TLN2: variants seen among roughly 807,000 people sequenced by gnomAD.
TLN2 encodes talin 2.
TLN2 carries 118 observed loss-of-function variants against 294.7 expected under a neutral mutation model. The ratio of observed to expected loss-of-function variants is 0.40; its 90% confidence interval spans 0.34 to 0.47. The LOEUF is 0.47. Ranked by LOEUF, TLN2 falls within the 20% of genes least tolerant of loss-of-function variation. TLN2 has a pLI of 0.84. For missense variants in TLN2, 3,083 were observed against 3,282.2 expected, an observed-to-expected ratio of 0.94 and a Z score of 1.48; for synonymous variants, 1,431 against 1,304.5, an observed-to-expected ratio of 1.10 and a Z score of -2.09.
At chr15:62,613,438 T>G (rs2048071762) in intron 2 of TLN2, among the ~76,000 whole-genome samples, 1 of 152,104 alleles carries the variant, frequency 6.6e-6, no homozygotes, top group Non-Finnish European at 1.5e-5. Context: ...CACATAGAGC[T>G]CGTGTGGAGT....
At chr15:62,559,012 A>G (rs2042765121) in intron 1 of TLN2, among the ~76,000 whole-genome samples, 1 of 152,154 alleles carries the variant, frequency 6.6e-6, no homozygotes, top group African/African-American at 2.4e-5. Context: ...ATAATCCTTC[A>G]TATTTTGGGG....
chr15:62,716,935 C>T (rs925321736), intron 23 of TLN2, among the ~76,000 whole-genome samples: 1 of 96,414 alleles, frequency 1.0e-5, no homozygotes, highest in African/African-American at 2.8e-5. Flanking sequence ...TAGGCAAAAA[C>T]TATGTTTTTT....
chr15:62,630,243 T>C (rs1417117823), intron 3 of TLN2, among the ~76,000 whole-genome samples: 3 of 152,192 alleles, frequency 2.0e-5, no homozygotes, highest in Non-Finnish European at 4.4e-5. Flanking sequence ...ATTTTAGGTA[T>C]CAGAAGAGAG....
At chr15:62,720,853 G>A (rs1418530057) in intron 25 of TLN2, among the ~76,000 whole-genome samples, 1 of 149,554 alleles carries the variant, frequency 6.7e-6, no homozygotes, top group African/African-American at 2.6e-5. Context: ...CATGAATAAC[G>A]TGATAAAAAT....
intron 14 of TLN2, among the ~76,000 whole-genome samples, chr15:62,696,612 G>A (rs1186011579): frequency 2.6e-5 from 4 of 152,178 alleles, no homozygotes; most frequent in African/African-American, 9.7e-5. Flanking sequence ...GGAGGCTGAG[G>A]CAGGAGAATC....
chr15:62,684,643 T>G (rs1596704466), intron 11 of TLN2, among the ~76,000 whole-genome samples: 1 of 151,434 alleles, frequency 6.6e-6, no homozygotes, highest in African/African-American at 2.4e-5. Context: ...CGGTTGGGGG[T>G]GGGTAGGATT....
chr15:62,788,074 G>A (rs938024549), intron 45 of TLN2, among the ~76,000 whole-genome samples: 2 of 150,482 alleles, frequency 1.3e-5, no homozygotes, highest in African/African-American at 4.9e-5. Context: ...ACTTTGGGAG[G>A]CCGAGATGAG....
At chr15:62,625,789 C>CAA (rs1461738229) in intron 3 of TLN2, among the ~76,000 whole-genome samples, 2 of 152,190 alleles carry the variant, frequency 1.3e-5, no homozygotes, top group Non-Finnish European at 2.9e-5. Context: ...GCCTGGCTTT[C>CAA]AGACTGTGCT....
intron 12 of TLN2, among the ~76,000 whole-genome samples, chr15:62,690,698 G>T (rs1210223442): frequency 6.7e-6 from 1 of 149,036 alleles, no homozygotes; most frequent in Non-Finnish European, 1.5e-5. Flanking sequence ...CCGAGATCAC[G>T]CCACTGCACT....
In TLN2 at chr15:62,702,002, A is replaced by G; in HGVS notation, c.1707A>G (p.Ala569=). The G allele has an allele frequency of 6.2e-7, 1 of 1,614,128 alleles. No individual in the cohort carries two copies. Among genetic ancestry groups the G allele is most frequent in the Non-Finnish European group, 8.5e-7 (1 of 1,180,038 alleles). ...SVVNLTAGDP[A]DTDYTAVGCA... ...TCTTTTCTGTGCCAGGTGACCCTGC[A>G]GACACTGACTACACAGCTGTGGGAT... Residue 569 remains alanine (A), a synonymous_variant, in exon 18 of 59, where the codon GCA becomes GCG. Transcript: ENST00000636159.
chr15:62,437,755 GT>G (rs2140300009), intron 1 of TLN2, among the ~76,000 whole-genome samples: 3 of 151,192 alleles, frequency 2.0e-5, no homozygotes, highest in Admixed American at 2.0e-4. Context: ...CCATGGGGGT[GT>G]GTGTGTGTGT....
At chr15:62,433,997 C>T (rs1239337862) in intron 1 of TLN2, among the ~76,000 whole-genome samples, 9 of 151,604 alleles carry the variant, frequency 5.9e-5, no homozygotes, top group Admixed American at 2.0e-4. Flanking sequence ...CCCCCGCCCC[C>T]GCCCAAAAAA....
At chr15:62,540,771 C>G (rs904476751) in intron 1 of TLN2, among the ~76,000 whole-genome samples, 10 of 152,078 alleles carry the variant, frequency 6.6e-5, no homozygotes, top group Non-Finnish European at 1.3e-4. Flanking sequence ...AGGGGATTCA[C>G]TGGGTCAGGA....
chr15:62,754,921 G>C (rs1272658115), intron 36 of TLN2: 1 of 152,216 alleles, frequency 6.6e-6, no homozygotes, highest in Non-Finnish European at 1.5e-5. Flanking sequence ...TTGTCATCTG[G>C]ATCTGGGCTC....
intron 1 of TLN2, among the ~76,000 whole-genome samples, chr15:62,527,996 A>C (rs577028514): frequency 2.0e-5 from 3 of 152,356 alleles, no homozygotes; most frequent in Admixed American, 6.5e-5. Flanking sequence ...AATCACATGA[A>C]TATATGACTT....
At chr15:62,693,208 T>C (rs2058063096) in intron 13 of TLN2, among the ~76,000 whole-genome samples, 1 of 152,054 alleles carries the variant, frequency 6.6e-6, no homozygotes, top group Non-Finnish European at 1.5e-5. Context: ...GGCAGGCGCC[T>C]GTAGTCCCAG....
chr15:62,559,332 T>A (rs1314201528), intron 1 of TLN2, among the ~76,000 whole-genome samples: 1 of 152,144 alleles, frequency 6.6e-6, no homozygotes, highest in Non-Finnish European at 1.5e-5. Flanking sequence ...GGCCAGCGGA[T>A]GTGGACTGAG....
chr15:62,672,899 T>G (rs2055601171), intron 9 of TLN2, among the ~76,000 whole-genome samples: 1 of 152,206 alleles, frequency 6.6e-6, no homozygotes, highest in African/African-American at 2.4e-5. Context: ...GGCCAGTATT[T>G]CTAGTTCAAA....
chr15:62,491,351 T>TACACACACACACAC (rs1166046640), intron 1 of TLN2, among the ~76,000 whole-genome samples: 14 of 100,296 alleles, frequency 1.4e-4, no homozygotes, highest in African/African-American at 4.8e-4. Context: ...TATATATATA[T>TACACACACACACAC]ACACACACAC....
Sources: allele counts gnomAD v4.1 joint callset (sites outside exome capture counted in the v4.1 genomes callset), GRCh38; gene constraint gnomAD v4.1.1; transcripts MANE v1.5; gene names NCBI Gene and HGNC (gene_info 2026-07-23, HGNC 2026-07-21).